Variants in SPECC1L observed in about 807,000 individuals in gnomAD.
SPECC1L encodes sperm antigen with calponin homology and coiled-coil domains 1 like.
A neutral mutation model predicts 116.8 loss-of-function variants in SPECC1L; 40 were observed. The observed-to-expected ratio is 0.34, with a 90% confidence interval of 0.27 to 0.45. The LOEUF (loss-of-function observed/expected upper bound fraction) is 0.45, where lower values mean the gene tolerates loss of function less well. Ranked by LOEUF, SPECC1L falls within the 20% of genes least tolerant of loss-of-function variation. The pLI, the probability that SPECC1L is intolerant of heterozygous loss-of-function variation, is 1.00. For missense variants in SPECC1L, 1,110 were observed against 1,373.6 expected, an observed-to-expected ratio of 0.81 and a Z score of 3.03; for synonymous variants, 504 against 500.6, an observed-to-expected ratio of 1.01 and a Z score of -0.09.
intron 14 of SPECC1L, among the ~76,000 whole-genome samples, chr22:24,402,336 T>C (rs1222338564): frequency 6.6e-6 from 1 of 151,920 alleles, no homozygotes; most frequent in African/African-American, 2.4e-5. Context: ...GCATTCTGTG[T>C]TTAACAGCCA....
At chr22:24,400,608 T>C (rs1206961624) in intron 14 of SPECC1L, among the ~76,000 whole-genome samples, 1 of 152,224 alleles carries the variant, frequency 6.6e-6, no homozygotes, top group East Asian at 1.9e-4. Flanking sequence ...CTGGGCCGTA[T>C]ATTAACTCTG....
chr22:24,386,596 G>GTTA (rs576690034), intron 14 of SPECC1L, among the ~76,000 whole-genome samples: 4,741 of 150,504 alleles, frequency 0.032, 124 homozygotes, highest in Middle Eastern at 0.078. Context: ...TATTATTATT[G>GTTA]TTATTATTAT....
At chr22:24,349,456 A>G (rs1009403237) in intron 11 of SPECC1L, among the ~76,000 whole-genome samples, 52 of 152,210 alleles carry the variant, frequency 3.4e-4, no homozygotes, top group Admixed American at 3.2e-3. Flanking sequence ...ATGACTTTAA[A>G]TACTATTTTT....
intron 14 of SPECC1L, among the ~76,000 whole-genome samples, chr22:24,390,872 CTTTTTTTTTTTTTT>C (rs1016008966): frequency 1.8e-5 from 1 of 57,112 alleles, no homozygotes; most frequent in East Asian, 5.6e-4. Context: ...TTTTTCTTTT[CTTTTTTTTTTTTTT>C]TTTTTTTTTT....
chr22:24,341,001 T>A (rs1260990446), intron 10 of SPECC1L, among the ~76,000 whole-genome samples: 2 of 152,112 alleles, frequency 1.3e-5, no homozygotes, highest in African/African-American at 4.8e-5. Context: ...TGAACAAAAA[T>A]TTTAAAATGA....
chr22:24,313,277 T>G (rs1311943652), intron 3 of SPECC1L, 36 bp from the exon 4 acceptor site: 1 of 1,610,742 alleles, frequency 6.2e-7, no homozygotes, highest in South Asian at 1.1e-5. Flanking sequence ...TCTTGCTTGA[T>G]CTAGTAAATT....
rs3890551 is a variant in SPECC1L, at chr22:24,390,830, G to A, written c.3088-20758G>A. 2.3e-3 allele frequency among the ~76,000 whole-genome samples: 336 copies of A among 146,398 alleles called. 2 individuals carry two copies. Among genetic ancestry groups the A allele is most frequent in the Non-Finnish European group, 3.8e-3 (256 of 66,852 alleles). ...GGAATAGAAACAGCTTGTATCTCAGGGCTCTTCTTGGGCCTGTGTTCCTTT... is the reference window on the plus strand; with the variant it reads ...GGAATAGAAACAGCTTGTATCTCAGAGCTCTTCTTGGGCCTGTGTTCCTTT... On this transcript the variant is annotated intron_variant, in intron 14 of 16. Coordinates refer to ENST00000314328, the MANE Select transcript of SPECC1L (RefSeq NM_015330.6).
chr22:24,287,963 C>T (rs1203516160), intron 2 of SPECC1L, among the ~76,000 whole-genome samples: 7 of 152,128 alleles, frequency 4.6e-5, no homozygotes, highest in Non-Finnish European at 5.9e-5. Context: ...CAATAAGGCC[C>T]TGTGGTTCAT....
chr22:24,326,835 C>T (rs756072215), intron 6 of SPECC1L, among the ~76,000 whole-genome samples: 18 of 152,082 alleles, frequency 1.2e-4, no homozygotes, highest in Non-Finnish European at 1.8e-4. Flanking sequence ...CCAGAATTGC[C>T]CCTGCCGCCA....
At chr22:24,402,241 C>T (rs1292174900) in intron 14 of SPECC1L, among the ~76,000 whole-genome samples, 1 of 151,596 alleles carries the variant, frequency 6.6e-6, no homozygotes, top group African/African-American at 2.4e-5. Context: ...AGGGCAGCAC[C>T]CTTAGATCAG....
At chr22:24,371,095 ACT>A (rs956832030) in intron 14 of SPECC1L, among the ~76,000 whole-genome samples, 59 of 152,102 alleles carry the variant, frequency 3.9e-4, no homozygotes, top group African/African-American at 1.4e-3. Context: ...TGATAATAAA[ACT>A]CCACTGCAAA....
At chr22:24,358,814 G>T (rs2041583690) in intron 11 of SPECC1L, among the ~76,000 whole-genome samples, 1 of 152,066 alleles carries the variant, frequency 6.6e-6, no homozygotes, top group Admixed American at 6.5e-5. Flanking sequence ...AGTTTGATTT[G>T]GGAAACAATA....
chr22:24,374,020 A>T (rs1297540497), intron 14 of SPECC1L, among the ~76,000 whole-genome samples: 7 of 152,198 alleles, frequency 4.6e-5, no homozygotes, highest in Non-Finnish European at 8.8e-5. Flanking sequence ...CACATGAAAA[A>T]ATGCTCATTA....
chr22:24,328,940 T>C, intron 7 of SPECC1L, 21 bp downstream of exon 7: 3 of 1,580,312 alleles, frequency 1.9e-6, no homozygotes, highest in South Asian at 1.1e-5. Context: ...TCTTCATGTA[T>C]TGTCTTGTTA....
rs1216865812 is a variant in SPECC1L at position 24,415,001 on chromosome 22, G to A, written c.*378G>A. On this transcript the variant is annotated 3_prime_UTR_variant, in exon 17 of 17. Coordinates refer to ENST00000314328, the MANE Select transcript of SPECC1L (RefSeq NM_015330.6). Reference sequence around the variant, plus strand: ...TTCAGTTCTGTGGGAAACTCACTAGGGTTGATGAAGGCTCGGCCGCGGCAC... The same window carrying A: ...TTCAGTTCTGTGGGAAACTCACTAGAGTTGATGAAGGCTCGGCCGCGGCAC... The A allele has an allele frequency of 3.6e-6, 1 of 278,476 alleles. No homozygotes were observed. The highest frequency in any genetic ancestry group is 7.1e-6 in the Non-Finnish European group (1 of 140,208). The allele number at this position is 278,476 out of a possible 1,614,324, so 17.3% of individuals were successfully genotyped here. A position where few individuals can be genotyped will look rare whatever the true frequency, so the allele number is the denominator to read the frequency against.
chr22:24,403,274 G>A (rs1227841110), intron 14 of SPECC1L, among the ~76,000 whole-genome samples: 1 of 151,996 alleles, frequency 6.6e-6, no homozygotes, highest in Non-Finnish European at 1.5e-5. Context: ...ATCCAAACAT[G>A]GAATTATCTC....
At chr22:24,365,757 C>T (rs888836575) in intron 13 of SPECC1L, 125 bp downstream of exon 13, 24 of 1,077,784 alleles carry the variant, frequency 2.2e-5, no homozygotes, top group Admixed American at 5.7e-5. Context: ...GTGTTGTTTG[C>T]GAATCTTTCT....
At chr22:24,341,904 A>G (rs961562312) in intron 10 of SPECC1L, among the ~76,000 whole-genome samples, 4 of 152,324 alleles carry the variant, frequency 2.6e-5, no homozygotes, top group East Asian at 3.9e-4. Flanking sequence ...GCCAGCAGCC[A>G]TGTAGATGAG....
chr22:24,351,001 G>A (rs2041410026), intron 11 of SPECC1L, among the ~76,000 whole-genome samples: 1 of 152,222 alleles, frequency 6.6e-6, no homozygotes, highest in Non-Finnish European at 1.5e-5. Context: ...CCTCTGAGGA[G>A]AGTGGAGTGC....
Sources: gnomAD v4.1 joint callset for allele counts (sites outside exome capture counted in the v4.1 genomes callset) on GRCh38, gnomAD v4.1.1 for gene constraint, MANE v1.5 for transcripts, NCBI Gene and HGNC (gene_info 2026-07-23, HGNC 2026-07-21) for gene names.